MAP3K13: variants seen among roughly 807,000 people sequenced by gnomAD.
The protein encoded by MAP3K13 is leucine zipper-bearing kinase.
In MAP3K13, 52 loss-of-function variants were observed where a neutral mutation model predicts 104.0. That is an observed-to-expected ratio of 0.50 (90% confidence interval 0.40 to 0.63). The LOEUF (loss-of-function observed/expected upper bound fraction) is 0.63. MAP3K13 is among the 20% of genes least tolerant of loss of function. The pLI is 0.00. For synonymous variants in MAP3K13, 394 were observed against 442.2 expected, an observed-to-expected ratio of 0.89 and a Z score of 1.37; for missense variants, 914 against 1,218.5, an observed-to-expected ratio of 0.75 and a Z score of 3.72.
upstream of MAP3K13, among the ~76,000 whole-genome samples, chr3:185,360,135 A>T (rs1723543397): frequency 6.6e-6 from 1 of 152,210 alleles, no homozygotes; most frequent in South Asian, 2.1e-4. Flanking sequence ...ACTCACCTTG[A>T]TAATGGCTTT....
chr3:185,428,791 G>C lies in MAP3K13; in HGVS notation c.210G>C (p.Thr70=). The change falls in exon 2 of 14, where the codon ACG becomes ACC. Residue 70 remains threonine (T), a synonymous_variant. Transcript: ENST00000265026. ...VHSPVTTTVL[T]SVSEDSRDQF... ...GCCCCGTCACCACAACAGTGTTGAC[G>C]AGCGTAAGTGAGGATTCCAGGGACC... 6.2e-7 allele frequency: 1 copy of C among 1,614,114 alleles called. No individual in the cohort carries two copies. Among genetic ancestry groups the C allele is most frequent in the South Asian group, 1.1e-5 (1 of 91,078 alleles).
At chr3:185,303,784 ATTTC>A (rs1227992429) in intron 2 of MAP3K13, among the ~76,000 whole-genome samples, 1 of 147,276 alleles carries the variant, frequency 6.8e-6, no homozygotes, top group African/African-American at 2.5e-5. Context: ...AGTTTTGCTG[ATTTC>A]TTTCTATTAT....
At chr3:185,479,186 T>C (rs1718309230) in intron 12 of MAP3K13, among the ~76,000 whole-genome samples, 1 of 152,146 alleles carries the variant, frequency 6.6e-6, no homozygotes, top group Admixed American at 6.6e-5. Flanking sequence ...TCCATGCTCA[T>C]TTCTGTTGAA....
chr3:185,356,651 G>T (rs1723364663), intron 2 of MAP3K13, among the ~76,000 whole-genome samples: 1 of 152,148 alleles, frequency 6.6e-6, no homozygotes, highest in Non-Finnish European at 1.5e-5. Context: ...AACATCCTGG[G>T]GATGACTCAG....
In MAP3K13 at chr3:185,450,094, C is replaced by T. The variant is rs758056990; in HGVS notation, c.1169+36C>T. On this transcript the variant is annotated intron_variant, in intron 6 of 13. Coordinates refer to ENST00000265026, the MANE Select transcript of MAP3K13 (RefSeq NM_004721.5). The surrounding 1 kb of genome is among the most constrained non-coding windows in gnomAD (Gnocchi z 4.2). The stretch of plus-strand genomic sequence containing the variant: ...TGTCTCTAAAACAATAGGGAGGTCT[C>T]TAATGTGTATTTGGAGTAAATATCC... The T allele has an allele frequency of 5.8e-6, 9 of 1,541,138 alleles. No homozygotes were observed. In the South Asian group the frequency reaches 1.1e-4, roughly 19 times the overall value.
intron 2 of MAP3K13, among the ~76,000 whole-genome samples, chr3:185,314,693 C>CA (rs1027104245): frequency 6.6e-6 from 1 of 152,100 alleles, no homozygotes; most frequent in Non-Finnish European, 1.5e-5. Context: ...ATCATTAGCT[C>CA]ATTGTAACCT....
chr3:185,474,213 C>G (rs2148924276), intron 11 of MAP3K13, among the ~76,000 whole-genome samples: 1 of 152,220 alleles, frequency 6.6e-6, no homozygotes, highest in African/African-American at 2.4e-5. Flanking sequence ...GTAATCCGAG[C>G]TACTCAGGAG....
intron 2 of MAP3K13, among the ~76,000 whole-genome samples, chr3:185,353,557 A>G (rs1421705213): frequency 2.0e-5 from 3 of 152,220 alleles, no homozygotes; most frequent in Non-Finnish European, 4.4e-5. Context: ...ACTTAAATAC[A>G]TAAGGAGGCA....
At position 185,450,620 on chromosome 3, in the gene MAP3K13, A is replaced by G. The variant is rs546062467; in HGVS notation, c.1169+562A>G. The stretch of plus-strand genomic sequence containing the variant: ...CATCTCTGTGTTAAAAACATAAAAT[A>G]AAATAAAATATAAATAAAAAACTGT... On this transcript the variant is annotated intron_variant, in intron 6 of 13. Coordinates refer to ENST00000265026, the MANE Select transcript of MAP3K13 (RefSeq NM_004721.5). The surrounding 1 kb of genome is among the most constrained non-coding windows in gnomAD (Gnocchi z 4.2). 6.6e-6 allele frequency among the ~76,000 whole-genome samples: 1 copy of G among 152,026 alleles called. No homozygotes were observed. The highest frequency in any genetic ancestry group is 2.1e-4 in the South Asian group (1 of 4,810).
At chr3:185,432,338 G>GCC (rs1714792367) in intron 2 of MAP3K13, among the ~76,000 whole-genome samples, 6 of 137,958 alleles carry the variant, frequency 4.3e-5, no homozygotes, top group Non-Finnish European at 9.7e-5. Context: ...TTACAGGCGT[G>GCC]TGCCACCACG....
chr3:185,376,418 G>A (rs34833550), intron 1 of MAP3K13, among the ~76,000 whole-genome samples: 39,708 of 152,046 alleles, frequency 0.26, 5,293 homozygotes, highest in Admixed American at 0.3. Flanking sequence ...GCACGCAGAC[G>A]TGAGGGCTAG....
intron 1 of MAP3K13, among the ~76,000 whole-genome samples, chr3:185,402,424 A>G (rs1189554354): frequency 6.6e-6 from 1 of 151,894 alleles, no homozygotes; most frequent in Non-Finnish European, 1.5e-5. Flanking sequence ...TTTACCTATT[A>G]CCATGTACAT....
At chr3:185,305,112 T>C (rs980421391) in intron 2 of MAP3K13, among the ~76,000 whole-genome samples, 1 of 152,210 alleles carries the variant, frequency 6.6e-6, no homozygotes, top group Admixed American at 6.5e-5. Context: ...TTGAAGTAAT[T>C]ATTGTTAGGG....
Position 185,473,140 on chromosome 3 carries a change from C to T in MAP3K13, c.1809C>T (p.Ala603=), listed in dbSNP as rs115306982. 3.0e-4 allele frequency: 485 copies of T among 1,614,110 alleles called. No homozygotes were observed. In the African/African-American group the frequency reaches 5.5e-3, roughly 18 times the overall value. ...GCAGAGGCAGCCATAGTGACTTTGC[C>T]GCAATCTTGAAAAACCAGCCAGCCC... ...GNSRGSHSDF[A]AILKNQPAQE... is the part of the protein sequence containing the mutation. The change falls in exon 11 of 14, where the codon GCC becomes GCT. Residue 603 remains alanine, a synonymous_variant. Transcript: ENST00000265026. The surrounding 1 kb of genome is among the most constrained non-coding windows in gnomAD (Gnocchi z 4.9).
intron 1 of MAP3K13, among the ~76,000 whole-genome samples, chr3:185,381,538 CTCTGCCTTCTTGT>C (rs1225234708): frequency 6.6e-6 from 1 of 152,196 alleles, no homozygotes; most frequent in East Asian, 1.9e-4. Context: ...CAAGATGAGG[CTCTGCCTTCTTGT>C]TTTAGCTCTC....
At chr3:185,329,226 A>G (rs1560050069) in intron 2 of MAP3K13, 1 of 703,104 alleles carries the variant, frequency 1.4e-6, no homozygotes, top group Admixed American at 2.0e-5. Flanking sequence ...GTTGAGTGCA[A>G]GTGTTTACAG....
In MAP3K13 at chr3:185,363,244, G is replaced by A; in HGVS notation, c.-210G>A. ...CCTTTGGGCTCCTTTGCGGTGGGCT[G>A]GAGGATTGTGTGGGTGGAATCCCCC... On this transcript the variant is annotated 5_prime_UTR_variant, in exon 1 of 14. Coordinates refer to ENST00000265026, the MANE Select transcript of MAP3K13 (RefSeq NM_004721.5). 1.0e-6 allele frequency: 1 copy of A among 985,312 alleles called. No individual in the cohort carries two copies. The highest frequency in any genetic ancestry group is 1.2e-6 in the Non-Finnish European group (1 of 829,922). 61.0% of individuals were successfully genotyped at this position (985,312 alleles called of 1,614,324 possible).
intron 1 of MAP3K13, among the ~76,000 whole-genome samples, chr3:185,406,627 C>T (rs904170597): frequency 6.6e-6 from 1 of 152,238 alleles, no homozygotes; most frequent in Admixed American, 6.5e-5. Context: ...CTAGATGGTA[C>T]AAAGTATTGT....
intron 1 of MAP3K13, among the ~76,000 whole-genome samples, chr3:185,393,141 C>G (rs9837742): frequency 0.014 from 2,136 of 151,788 alleles, 63 homozygotes; most frequent in African/African-American, 0.049. Flanking sequence ...GAGAAGTATG[C>G]AAATGTAAGA....
Sources: allele counts gnomAD v4.1 joint callset (sites outside exome capture counted in the v4.1 genomes callset), GRCh38; gene constraint gnomAD v4.1.1; non-coding constraint Gnocchi (gnomAD v3.1); transcripts MANE v1.5; gene names NCBI Gene and HGNC (gene_info 2026-07-23, HGNC 2026-07-21).